The following PLCE1 variants were observed in gnomAD, a reference collection of about 807,000 sequenced individuals.
The protein encoded by PLCE1 is 1-phosphatidylinositol 4,5-bisphosphate phosphodiesterase epsilon-1.
In PLCE1, 119 loss-of-function variants were observed where a neutral mutation model predicts 242.8. That is an observed-to-expected ratio of 0.49 (90% confidence interval 0.42 to 0.57). PLCE1 has a LOEUF of 0.57. Among genes scored for constraint, PLCE1 ranks in the 20% least tolerant of loss-of-function variants. The pLI, the probability that PLCE1 is intolerant of heterozygous loss-of-function variation, is 0.00. For missense variants in PLCE1, 2,441 were observed against 2,788.8 expected, an observed-to-expected ratio of 0.88 and a Z score of 2.81; for synonymous variants, 945 against 1,017.4, an observed-to-expected ratio of 0.93 and a Z score of 1.35.
At position 94,227,558 on chromosome 10, in the gene PLCE1, G is replaced by A. The variant is rs1589381999; in HGVS notation, c.1955+107G>A. 29 of 987,510 alleles carry A rather than the reference G, an allele frequency of 2.9e-5. No individual in the cohort carries two copies. In the South Asian group the frequency reaches 3.5e-4, roughly 12 times the overall value. The allele number at this position is 987,510 out of a possible 1,614,324, so 61.2% of individuals were successfully genotyped here. On this transcript the variant is annotated intron_variant, in intron 5 of 32. Coordinates refer to ENST00000371380, the MANE Select transcript of PLCE1 (RefSeq NM_016341.4). ...TCACCTTTACCCAAGCCAGGTAACT[G>A]GAAATGATTAACTTGGGAAATGTAT...
In PLCE1 at chr10:94,265,690, C is replaced by A; in HGVS notation, c.4097C>A (p.Ser1366Ter). 2 of 1,613,774 alleles carry A rather than the reference C, an allele frequency of 1.2e-6. No individual in the cohort carries two copies. The highest frequency in any genetic ancestry group is 1.7e-6 in the Non-Finnish European group (2 of 1,179,822). ...SISMCHQGLM[S>*]FEGFARFLMD... is the part of the protein sequence containing the mutation. ...AGTATGTGTCATCAGGGACTAATGT[C>A]ATTTGAAGGGTTTGCCAGGTAACTT... Residue 1366 changes from serine to a stop codon, truncating the protein, a stop_gained, in exon 15 of 33, where the codon TCA (serine) becomes TAA (stop). Coordinates refer to ENST00000371380, the MANE Select transcript of PLCE1 (RefSeq NM_016341.4). LOFTEE classifies it high-confidence loss of function.
At chr10:94,182,940 A>G (rs1489616562) in intron 4 of PLCE1, among the ~76,000 whole-genome samples, 2 of 152,226 alleles carry the variant, frequency 1.3e-5, no homozygotes, top group Non-Finnish European at 2.9e-5. Flanking sequence ...ATTTTGACCT[A>G]TGTGAGCAGT....
chr10:94,076,128 C>T (rs866953115), intron 2 of PLCE1, among the ~76,000 whole-genome samples: 200 of 146,936 alleles, frequency 1.4e-3, no homozygotes, highest in Non-Finnish European at 2.3e-3. Context: ...TGTGTGTGTG[C>T]GTGCGTGTGT....
intron 2 of PLCE1, among the ~76,000 whole-genome samples, chr10:94,128,989 T>C (rs1351126509): frequency 6.6e-6 from 1 of 152,254 alleles, no homozygotes; most frequent in East Asian, 1.9e-4. Context: ...AAAGCTTTCC[T>C]GAATTTAAAC....
At chr10:94,012,893 C>T (rs541784258) in intron 1 of PLCE1, among the ~76,000 whole-genome samples, 3 of 152,336 alleles carry the variant, frequency 2.0e-5, no homozygotes, top group African/African-American at 4.8e-5. Context: ...ATTTAGGCAT[C>T]AGTCACTCTA....
At chr10:94,023,238 C>G (rs138275921) in intron 1 of PLCE1, among the ~76,000 whole-genome samples, 194 of 152,218 alleles carry the variant, frequency 1.3e-3, no homozygotes, top group Admixed American at 3.1e-3. Context: ...TAGGCTGATT[C>G]AATAAATTGC....
At chr10:94,020,382 G>A (rs1471504679) in intron 1 of PLCE1, among the ~76,000 whole-genome samples, 3 of 152,096 alleles carry the variant, frequency 2.0e-5, no homozygotes, top group Non-Finnish European at 2.9e-5. Flanking sequence ...GAGGTTCTTT[G>A]TGTATTCTAG....
intron 4 of PLCE1, among the ~76,000 whole-genome samples, chr10:94,198,799 G>A (rs538554691): frequency 6.6e-6 from 1 of 152,302 alleles, no homozygotes; most frequent in South Asian, 2.1e-4. Flanking sequence ...GTTAATCCCA[G>A]CATTTTGGGA....
intron 14 of PLCE1, 124 bp downstream of exon 14, chr10:94,262,856 G>GT: frequency 3.8e-6 from 3 of 785,560 alleles, no homozygotes; most frequent in Admixed American, 2.0e-5. Context: ...CAGATATACA[G>GT]TTTTGTTTTT....
intron 2 of PLCE1, among the ~76,000 whole-genome samples, chr10:94,076,115 TTGTG>T (rs10571626): frequency 0.3 from 45,634 of 150,680 alleles, 7,439 homozygotes; most frequent in East Asian, 0.43. Flanking sequence ...GTGTGTGTGT[TTGTG>T]TGTGTGTGCG....
At chr10:94,084,626 G>T (rs781190666) in intron 2 of PLCE1, among the ~76,000 whole-genome samples, 10 of 152,192 alleles carry the variant, frequency 6.6e-5, no homozygotes, top group Non-Finnish European at 1.2e-4. Flanking sequence ...TGAGTCAAGA[G>T]GTGGCTTTGT....
chr10:94,169,355 C>T (rs950350600), intron 3 of PLCE1, among the ~76,000 whole-genome samples: 1 of 152,072 alleles, frequency 6.6e-6, no homozygotes, highest in Non-Finnish European at 1.5e-5. Context: ...AAAAAGGAAA[C>T]TGAACATTTG....
intron 27 of PLCE1, 137 bp downstream of exon 27, chr10:94,308,836 A>G: frequency 1.3e-6 from 1 of 759,928 alleles, no homozygotes; most frequent in Non-Finnish European, 2.4e-6. Flanking sequence ...AATGGCTGAC[A>G]CTTGGCACTG....
chr10:94,306,592 T>G lies in PLCE1; in HGVS notation c.5788T>G (p.Phe1930Val). The G allele has an allele frequency of 6.2e-7, 1 of 1,614,114 alleles. No individual in the cohort carries two copies. The highest frequency in any genetic ancestry group is 2.2e-5 in the East Asian group (1 of 44,870). The change falls in exon 26 of 33, where the codon TTC (phenylalanine) becomes GTC (valine). Residue 1930 changes from phenylalanine (F) to valine (V), a missense_variant. Physicochemically the swap from Phe to Val is conservative, Grantham distance 50 (BLOSUM62 -1). Coordinates refer to ENST00000371380, the MANE Select transcript of PLCE1 (RefSeq NM_016341.4). The surrounding 1 kb of genome is among the most constrained non-coding windows in gnomAD (Gnocchi z 5.7). ...WNEQFLFHVH[F>V]EDLVFLRFAV... The stretch of plus-strand genomic sequence containing the variant: ...CGAGCAGTTTCTGTTCCACGTTCAC[T>G]TCGAAGATCTTGTATTTCTTCGTTT...
At chr10:94,099,542 G>T (rs760329920) in intron 2 of PLCE1, 1 of 152,162 alleles carries the variant, frequency 6.6e-6, no homozygotes, top group Non-Finnish European at 1.5e-5. Context: ...ATATGTCAAG[G>T]TTCAGTATTC....
chr10:94,297,380 T>C (rs1429220079), intron 23 of PLCE1, among the ~76,000 whole-genome samples: 2 of 152,130 alleles, frequency 1.3e-5, no homozygotes, highest in East Asian at 1.9e-4. Context: ...CTTATGGGTA[T>C]GGTCCATGGC....
chr10:94,000,765 T>A (rs2060916220), intron 1 of PLCE1, among the ~76,000 whole-genome samples: 2 of 152,312 alleles, frequency 1.3e-5, no homozygotes, highest in South Asian at 4.1e-4. Flanking sequence ...TGACTTCATA[T>A]ACAGTGCCAC....
rs372654632 is a variant in PLCE1 at position 94,171,138 on chromosome 10, A to G, written c.1493-42A>G. On this transcript the variant is annotated intron_variant, in intron 3 of 32. Coordinates refer to ENST00000371380, the MANE Select transcript of PLCE1 (RefSeq NM_016341.4). ...CAAGTAAATATCTGTTGCAGGGGACACCAGATTTGATGTAACCACGACTTC... is the reference window on the plus strand; with the variant it reads ...CAAGTAAATATCTGTTGCAGGGGACGCCAGATTTGATGTAACCACGACTTC... The G allele has an allele frequency of 1.5e-5, 23 of 1,521,110 alleles. No individual in the cohort carries two copies. In the African/African-American group the frequency reaches 2.9e-4, roughly 19 times the overall value. 94.2% of individuals were successfully genotyped at this position (1,521,110 alleles called of 1,614,324 possible).
intron 4 of PLCE1, among the ~76,000 whole-genome samples, chr10:94,207,318 T>C (rs530857697): frequency 4.6e-5 from 7 of 152,256 alleles, no homozygotes; most frequent in Admixed American, 1.3e-4. Flanking sequence ...AGATACTAAA[T>C]TGATGAGTAA....
Sources: allele counts gnomAD v4.1 joint callset (sites outside exome capture counted in the v4.1 genomes callset), GRCh38; gene constraint gnomAD v4.1.1; non-coding constraint Gnocchi (gnomAD v3.1); transcripts MANE v1.5; gene names NCBI Gene and HGNC (gene_info 2026-07-23, HGNC 2026-07-21).